The following KHDC1 variants were observed in gnomAD, a reference collection of about 807,000 sequenced individuals.
The protein encoded by KHDC1 is KH domain containing 1.
A neutral mutation model predicts 24.7 loss-of-function variants in KHDC1; 21 were observed. The ratio of observed to expected loss-of-function variants is 0.85; its 90% confidence interval spans 0.60 to 1.23. The LOEUF is 1.23. Among genes scored for constraint, KHDC1 ranks in the 50% most tolerant of loss-of-function variants. The pLI is 0.00. For missense variants in KHDC1, 274 were observed against 298.5 expected, an observed-to-expected ratio of 0.92 and a Z score of 0.61; for synonymous variants, 98 against 111.7, an observed-to-expected ratio of 0.88 and a Z score of 0.77.
intron 2 of KHDC1, among the ~76,000 whole-genome samples, chr6:73,244,097 G>A (rs1452218503): frequency 1.3e-5 from 2 of 151,960 alleles, no homozygotes; most frequent in African/African-American, 4.8e-5. Flanking sequence ...ACCTTTCTCA[G>A]AAAAACATCA....
At chr6:73,284,089 T>C (rs1202542164) in intron 2 of KHDC1, among the ~76,000 whole-genome samples, 1 of 152,142 alleles carries the variant, frequency 6.6e-6, no homozygotes, top group Non-Finnish European at 1.5e-5. Flanking sequence ...AGGATGATAA[T>C]CGTTCCTCTC....
At chr6:73,292,301 T>C (rs1767669489) in intron 1 of KHDC1, 15 of 1,083,732 alleles carry the variant, frequency 1.4e-5, no homozygotes, top group Middle Eastern at 2.0e-4. Context: ...TAGGATGCTC[T>C]TTGACTACCT....
chr6:73,264,495 G>C (rs1767046699), intron 2 of KHDC1, among the ~76,000 whole-genome samples: 1 of 152,210 alleles, frequency 6.6e-6, no homozygotes, highest in Admixed American at 6.5e-5. Flanking sequence ...CACCCTTGAT[G>C]AAGAACGCCT....
chr6:73,287,819 C>T (rs1160978906), intron 2 of KHDC1, among the ~76,000 whole-genome samples: 1 of 152,194 alleles, frequency 6.6e-6, no homozygotes, highest in African/African-American at 2.4e-5. Flanking sequence ...TAAGATCTAG[C>T]TCACAGTGGG....
chr6:73,309,293 A>G (rs559307889), intron 1 of KHDC1, among the ~76,000 whole-genome samples: 1 of 152,310 alleles, frequency 6.6e-6, no homozygotes, highest in Admixed American at 6.5e-5. Flanking sequence ...TTCTAAACCT[A>G]CAGTGCACAA....
intron 2 of KHDC1, among the ~76,000 whole-genome samples, chr6:73,251,730 T>C (rs1158190976): frequency 6.6e-6 from 1 of 152,164 alleles, no homozygotes; most frequent in East Asian, 1.9e-4. Context: ...CACAGTTTGA[T>C]GACAAAAATA....
At chr6:73,242,057 C>G (rs199949364) in exon 4 of KHDC1, 5 of 1,610,258 alleles carry the variant, frequency 3.1e-6, no homozygotes, top group Admixed American at 1.7e-5. Flanking sequence ...ATACCTACCT[C>G]GAGCATGATG....
At chr6:73,309,818 G>A (rs1394730498) in exon 1 of KHDC1, 8 of 1,375,112 alleles carry the variant, frequency 5.8e-6, no homozygotes, top group African/African-American at 1.5e-5. Context: ...AGACACCGAC[G>A]GAGAAGCGAA....
chr6:73,276,492 A>G (rs570326785), intron 2 of KHDC1: 15 of 96,932 alleles, frequency 1.5e-4, no homozygotes, highest in African/African-American at 4.1e-4. Flanking sequence ...ATCTCAAAAA[A>G]AGAAAAGTAT....
chr6:73,307,717 G>A (rs559434314), intron 1 of KHDC1, among the ~76,000 whole-genome samples: 18 of 152,058 alleles, frequency 1.2e-4, no homozygotes, highest in Non-Finnish European at 2.2e-4. Context: ...CGCCTGGCTC[G>A]TGCTCTGGCT....
chr6:73,295,139 C>A (rs960232932), intron 1 of KHDC1, among the ~76,000 whole-genome samples: 2 of 152,002 alleles, frequency 1.3e-5, no homozygotes, highest in East Asian at 1.9e-4. Flanking sequence ...GGCGACAGAG[C>A]AAGACCCTGT....
chr6:73,296,172 C>T (rs75936536), intron 1 of KHDC1, among the ~76,000 whole-genome samples: 7,025 of 149,012 alleles, frequency 0.047, 405 homozygotes, highest in African/African-American at 0.13. Context: ...CACACACACA[C>T]GGCCAGGTGC....
chr6:73,242,976 G>C (rs1766602049), intron 2 of KHDC1, among the ~76,000 whole-genome samples: 1 of 152,116 alleles, frequency 6.6e-6, no homozygotes, highest in Non-Finnish European at 1.5e-5. Context: ...CATCAAGGGA[G>C]AGCAAACAAC....
chr6:73,308,287 G>T (rs1327541957), intron 1 of KHDC1, among the ~76,000 whole-genome samples: 6 of 151,768 alleles, frequency 4.0e-5, no homozygotes, highest in Admixed American at 3.9e-4. Flanking sequence ...TGTTAGCCAG[G>T]GTGGTCTTGA....
At chr6:73,242,627 C>A in intron 2 of KHDC1, 97 bp from the exon 2 acceptor site, 3 of 1,493,252 alleles carry the variant, frequency 2.0e-6, no homozygotes, top group Non-Finnish European at 1.8e-6. Flanking sequence ...AGGAACCCAA[C>A]AACCTGCCCC....
intron 1 of KHDC1, among the ~76,000 whole-genome samples, chr6:73,309,036 G>A (rs1302670034): frequency 6.6e-6 from 1 of 152,154 alleles, no homozygotes; most frequent in Non-Finnish European, 1.5e-5. Context: ...TGTTGGCCAG[G>A]CGGGTCTGAA....
intron 1 of KHDC1, among the ~76,000 whole-genome samples, chr6:73,302,079 G>A (rs1767887354): frequency 6.6e-6 from 1 of 152,118 alleles, no homozygotes; most frequent in Admixed American, 6.6e-5. Context: ...CATGAGGTCA[G>A]GAGTTTGAGA....
At chr6:73,245,103 T>C (rs886947139) in intron 2 of KHDC1, among the ~76,000 whole-genome samples, 2 of 152,124 alleles carry the variant, frequency 1.3e-5, no homozygotes, top group East Asian at 1.9e-4. Flanking sequence ...ATGAGGTACT[T>C]TGATAATGAG....
At chr6:73,242,409 A>C (rs1205733250) in exon 3 of KHDC1, 1 of 1,614,200 alleles carries the variant, frequency 6.2e-7, no homozygotes, top group Admixed American at 1.7e-5. Context: ...CACTCACCGA[A>C]GATGAGCTCC....
Sources: allele counts gnomAD v4.1 joint callset (sites outside exome capture counted in the v4.1 genomes callset), GRCh38; gene constraint gnomAD v4.1.1; transcripts MANE v1.5; gene names NCBI Gene and HGNC (gene_info 2026-07-23, HGNC 2026-07-21).